SPATA22: variants seen among roughly 807,000 people sequenced by gnomAD.
The protein encoded by SPATA22 is spermatogenesis associated 22.
In SPATA22, 29 loss-of-function variants were observed where a neutral mutation model predicts 47.8. The ratio of observed to expected loss-of-function variants is 0.61; its 90% CI spans 0.45 to 0.83. SPATA22 has a LOEUF of 0.83. Among genes scored for constraint, SPATA22 ranks in the 40% least tolerant of loss-of-function variants. The pLI is 0.00. For missense variants in SPATA22, 410 were observed against 421.7 expected (o/e 0.97, Z 0.24); for synonymous variants, 133 against 140.9 (o/e 0.94, Z 0.40).
chr17:3,503,258 T>C (rs938205381), intron 1 of SPATA22: 1 of 152,198 alleles, frequency 6.6e-6, no homozygotes, highest in African/African-American at 2.4e-5. Context: ...ACATTTTCAT[T>C]CTTCCAAAGT....
At chr17:3,502,316 G>T (rs1567621977) in intron 1 of SPATA22, 1 of 152,172 alleles carries the variant, frequency 6.6e-6, no homozygotes, top group Non-Finnish European at 1.5e-5. Context: ...ACACGTACTG[G>T]AAAATCAAAA....
At chr17:3,470,762 A>AG (rs1271865958) in intron 1 of SPATA22, among the ~76,000 whole-genome samples, 1 of 67,984 alleles carries the variant, frequency 1.5e-5, no homozygotes, top group Non-Finnish European at 5.9e-5. Context: ...AAAAAAAAAG[A>AG]AAAAAAAACA....
chr17:3,471,944 T>C, upstream of SPATA22: 1 of 819,224 alleles, frequency 1.2e-6, no homozygotes, highest in Non-Finnish European at 1.5e-6. Flanking sequence ...TTCCTTGGCG[T>C]TCTCACACTG....
intron 5 of SPATA22, among the ~76,000 whole-genome samples, chr17:3,457,788 A>G (rs8070169): frequency 0.56 from 85,594 of 151,952 alleles, 25,836 homozygotes; most frequent in Non-Finnish European, 0.68. Context: ...AATGGAACTG[A>G]ACTCTCACCT....
intron 1 of SPATA22, among the ~76,000 whole-genome samples, chr17:3,508,897 T>TAAA (rs59201485): frequency 3.4e-3 from 384 of 112,522 alleles, no homozygotes; most frequent in Non-Finnish European, 4.7e-3. Flanking sequence ...GCTTAAAGTA[T>TAAA]AAAAAAAAAA....
intron 2 of SPATA22, among the ~76,000 whole-genome samples, chr17:3,467,911 A>C (rs978288129): frequency 3.3e-5 from 5 of 152,260 alleles, no homozygotes; most frequent in Admixed American, 3.3e-4. Context: ...TTTGAAGTAC[A>C]ACAGAGGTGA....
chr17:3,491,474 C>T (rs995355495), intron 1 of SPATA22, among the ~76,000 whole-genome samples: 2 of 152,034 alleles, frequency 1.3e-5, no homozygotes, highest in African/African-American at 4.8e-5. Context: ...TGGCCAGGCG[C>T]GGTGGCTCAT....
At chr17:3,454,885 A>G (rs1005345034) in intron 5 of SPATA22, among the ~76,000 whole-genome samples, 3 of 152,168 alleles carry the variant, frequency 2.0e-5, no homozygotes, top group Non-Finnish European at 4.4e-5. Context: ...ACTGACTTCC[A>G]CAATGGTTGA....
intron 1 of SPATA22, among the ~76,000 whole-genome samples, chr17:3,477,108 T>C (rs1053720299): frequency 1.3e-5 from 2 of 151,830 alleles, no homozygotes; most frequent in Admixed American, 1.3e-4. Context: ...TGAGCCAAGA[T>C]TGTGCCACTG....
chr17:3,490,331 T>A lies in SPATA22; in HGVS notation c.-73-20933A>T, dbSNP rs1285857072. On this transcript the variant is annotated intron_variant, in intron 1 of 8. Transcript: ENST00000541913. The surrounding 1 kb of genome is among the most constrained non-coding windows in gnomAD (Gnocchi z 4.6). ...ACTATCTGCTCATTTATTTGGTAAA[T>A]CTAAAACTGCACTAAAAAGTCTATT... Among the ~76,000 whole-genome samples the A allele has an allele frequency of 6.6e-6, 1 of 152,176 alleles. No individual in the cohort carries two copies. The highest frequency in any genetic ancestry group is 1.5e-5 in the Non-Finnish European group (1 of 68,040).
chr17:3,465,347 G>C (rs1452531403), intron 3 of SPATA22, among the ~76,000 whole-genome samples: 27 of 152,046 alleles, frequency 1.8e-4, no homozygotes, highest in Non-Finnish European at 2.8e-4. Flanking sequence ...GCGGGGAAAG[G>C]TGGGGAAAAG....
At chr17:3,494,566 C>A in intron 1 of SPATA22, 1 of 897,622 alleles carries the variant, frequency 1.1e-6, no homozygotes, top group Non-Finnish European at 1.8e-6. Context: ...ATTTGATGCT[C>A]TCATTAGACA....
chr17:3,476,556 G>A, upstream of SPATA22, among the ~76,000 whole-genome samples: 1 of 152,202 alleles, frequency 6.6e-6, no homozygotes, highest in East Asian at 1.9e-4. Flanking sequence ...ACTGCATTGT[G>A]AATTGCACAA....
At chr17:3,512,767 C>T (rs2074130526) in intron 1 of SPATA22, 1 of 151,848 alleles carries the variant, frequency 6.6e-6, no homozygotes, top group Admixed American at 6.6e-5. Context: ...TTGGCAAATG[C>T]TTTTCTCTCA....
At chr17:3,455,388 G>A (rs2072964284) in intron 5 of SPATA22, among the ~76,000 whole-genome samples, 2 of 150,940 alleles carry the variant, frequency 1.3e-5, no homozygotes, top group South Asian at 2.1e-4. Context: ...TGTCCTGAAT[G>A]GTAATGCCTA....
intron 3 of SPATA22, among the ~76,000 whole-genome samples, chr17:3,465,904 A>T (rs570659086): frequency 6.6e-6 from 1 of 152,310 alleles, no homozygotes; most frequent in East Asian, 1.9e-4. Flanking sequence ...TCAGGAGGAC[A>T]CACATTTCCT....
chr17:3,474,356 C>T (rs2073490412), upstream of SPATA22, among the ~76,000 whole-genome samples: 1 of 152,176 alleles, frequency 6.6e-6, no homozygotes, highest in Admixed American at 6.5e-5. Flanking sequence ...ATAACTGAAG[C>T]AGCATTTCCA....
chr17:3,502,322 C>A (rs1357170952), intron 1 of SPATA22: 3 of 152,110 alleles, frequency 2.0e-5, no homozygotes, highest in Admixed American at 6.5e-5. Context: ...ACTGGAAAAT[C>A]AAAAAATATG....
intron 5 of SPATA22, among the ~76,000 whole-genome samples, chr17:3,458,077 T>A (rs527394847): frequency 9.8e-5 from 15 of 152,296 alleles, no homozygotes; most frequent in Non-Finnish European, 1.9e-4. Context: ...ACTATGTAAC[T>A]GTTAAGTAGT....
Sources: gnomAD v4.1 joint callset for allele counts (sites outside exome capture counted in the v4.1 genomes callset) on GRCh38, gnomAD v4.1.1 for gene constraint, Gnocchi (gnomAD v3.1) non-coding constraint, MANE v1.5 for transcripts, NCBI Gene and HGNC (gene_info 2026-07-23, HGNC 2026-07-21) for gene names.